The following LUZP2 variants were observed in gnomAD, a reference collection of about 807,000 sequenced individuals.
The protein encoded by LUZP2 is leucine zipper protein 2.
Under a neutral mutation model 51.6 loss-of-function variants are expected in LUZP2, and 52 were observed. The observed-to-expected ratio is 1.01, with a 90% CI of 0.81 to 1.27. The LOEUF (loss-of-function observed/expected upper bound fraction) is 1.27, where lower values mean the gene tolerates loss of function less well. Among genes scored for constraint, LUZP2 ranks in the 50% most tolerant of loss-of-function variants. The pLI is 0.00. For synonymous variants in LUZP2, 154 were observed against 137.3 expected (o/e 1.12, Z -0.85); for missense variants, 436 against 395.4 (o/e 1.10, Z -0.87).
intron 5 of LUZP2, among the ~76,000 whole-genome samples, chr11:24,878,287 A>G (rs4370935): frequency 0.41 from 62,268 of 151,768 alleles, 15,127 homozygotes; most frequent in East Asian, 0.65. Context: ...TTTCCCCTTC[A>G]TATTTGAAAG....
intron 1 of LUZP2, among the ~76,000 whole-genome samples, chr11:24,675,646 A>AG (rs1228659209): frequency 2.6e-5 from 4 of 152,116 alleles, no homozygotes; most frequent in African/African-American, 9.7e-5. Context: ...TTAATACTCT[A>AG]GTGAACATCA....
intron 5 of LUZP2, among the ~76,000 whole-genome samples, chr11:24,873,326 A>G (rs1221904051): frequency 6.6e-6 from 1 of 152,224 alleles, no homozygotes; most frequent in Non-Finnish European, 1.5e-5. Context: ...TGAAATAATT[A>G]GAAGAAAGTA....
intron 5 of LUZP2, among the ~76,000 whole-genome samples, chr11:24,842,531 G>A (rs1851067561): frequency 6.6e-6 from 1 of 151,670 alleles, no homozygotes. Context: ...GTTGACCTCT[G>A]TACTCAACAA....
chr11:24,990,529 G>T (rs1856307107), intron 9 of LUZP2, among the ~76,000 whole-genome samples: 1 of 151,930 alleles, frequency 6.6e-6, no homozygotes, highest in African/African-American at 2.4e-5. Context: ...GCAAAATGAT[G>T]AATTGAAAGG....
intron 1 of LUZP2, among the ~76,000 whole-genome samples, chr11:24,717,651 G>A (rs1341942609): frequency 1.3e-5 from 2 of 151,464 alleles, no homozygotes; most frequent in South Asian, 2.1e-4. Flanking sequence ...TCCTGACCTC[G>A]TGATCCACCT....
At chr11:24,888,574 C>G (rs185611244) in intron 5 of LUZP2, among the ~76,000 whole-genome samples, 28 of 152,186 alleles carry the variant, frequency 1.8e-4, no homozygotes, top group African/African-American at 6.5e-4. Flanking sequence ...GGAAATATTA[C>G]ACGACATTTT....
At chr11:24,940,275 G>A (rs145165341) in intron 7 of LUZP2, among the ~76,000 whole-genome samples, 1 of 152,012 alleles carries the variant, frequency 6.6e-6, no homozygotes, top group Non-Finnish European at 1.5e-5. Context: ...TAACTACTTG[G>A]CTGTGAAAGG....
At chr11:24,926,397 A>ATATATATGTGTG (rs1854257592) in intron 7 of LUZP2, among the ~76,000 whole-genome samples, 2 of 65,288 alleles carry the variant, frequency 3.1e-5, no homozygotes, top group South Asian at 5.6e-4. Flanking sequence ...ATACGTGTGT[A>ATATATATGTGTG]TATATATATA....
intron 5 of LUZP2, among the ~76,000 whole-genome samples, chr11:24,769,932 A>G (rs11028154): frequency 0.013 from 1,980 of 152,168 alleles, 50 homozygotes; most frequent in African/African-American, 0.045. Flanking sequence ...AGCTAGGACT[A>G]TAGACATGCA....
intron 7 of LUZP2, among the ~76,000 whole-genome samples, chr11:24,964,271 A>T (rs1239518699): frequency 6.6e-6 from 1 of 152,196 alleles, no homozygotes; most frequent in Non-Finnish European, 1.5e-5. Context: ...ACATGCTGGT[A>T]ATTACATAAT....
chr11:24,623,615 G>A (rs1357728039), intron 1 of LUZP2, among the ~76,000 whole-genome samples: 1 of 152,234 alleles, frequency 6.6e-6, no homozygotes, highest in South Asian at 2.1e-4. Context: ...GGAGGCCAAG[G>A]CAGGCAGATT....
intron 1 of LUZP2, among the ~76,000 whole-genome samples, chr11:24,599,272 T>C (rs577750326): frequency 2.6e-4 from 40 of 152,266 alleles, no homozygotes; most frequent in African/African-American, 9.1e-4. Flanking sequence ...TGATTTGTTA[T>C]AGATGTTATA....
At chr11:24,976,209 AT>A (rs1369286688) in intron 7 of LUZP2, among the ~76,000 whole-genome samples, 1 of 152,014 alleles carries the variant, frequency 6.6e-6, no homozygotes, top group Non-Finnish European at 1.5e-5. Context: ...TACAGTGACA[AT>A]AATGAGTTAG....
intron 1 of LUZP2, among the ~76,000 whole-genome samples, chr11:24,521,034 C>T (rs763631027): frequency 6.6e-6 from 1 of 152,104 alleles, no homozygotes; most frequent in Non-Finnish European, 1.5e-5. Flanking sequence ...TGGGTGTTGC[C>T]ATTTGGTGTA....
chr11:25,075,270 A>G (rs1590901768), intron 10 of LUZP2, among the ~76,000 whole-genome samples: 1 of 152,150 alleles, frequency 6.6e-6, no homozygotes, highest in Non-Finnish European at 1.5e-5. Flanking sequence ...GGTGGTTAAG[A>G]ATTCAGCTAT....
chr11:24,901,125 C>T (rs545307855), intron 5 of LUZP2, among the ~76,000 whole-genome samples: 1 of 152,186 alleles, frequency 6.6e-6, no homozygotes, highest in Non-Finnish European at 1.5e-5. Context: ...TTTCTCCTCT[C>T]TTTAGTACGA....
At chr11:25,018,864 G>A (rs960046676) in intron 9 of LUZP2, among the ~76,000 whole-genome samples, 7 of 151,964 alleles carry the variant, frequency 4.6e-5, no homozygotes, top group Non-Finnish European at 1.0e-4. Flanking sequence ...TGCCTCAGTC[G>A]CCCATAGTGC....
intron 7 of LUZP2, among the ~76,000 whole-genome samples, chr11:24,959,228 G>T (rs1179429461): frequency 9.2e-5 from 14 of 152,064 alleles, no homozygotes; most frequent in African/African-American, 2.9e-4. Flanking sequence ...GGATTGACTT[G>T]GCGATGCGGG....
At chr11:24,617,798 C>A (rs571417495) in intron 1 of LUZP2, among the ~76,000 whole-genome samples, 1 of 151,964 alleles carries the variant, frequency 6.6e-6, no homozygotes. Flanking sequence ...TACACTCCAG[C>A]CTAGGTGACA....
Sources: gnomAD v4.1 joint callset for allele counts (sites outside exome capture counted in the v4.1 genomes callset) on GRCh38, gnomAD v4.1.1 for gene constraint, MANE v1.5 for transcripts, NCBI Gene and HGNC (gene_info 2026-07-23, HGNC 2026-07-21) for gene names.